RGS7BP: variants seen among roughly 807,000 people sequenced by gnomAD.
RGS7BP encodes the protein regulator of G protein signaling 7 binding protein, also known as regulator of G protein signaling 7-binding protein.
A neutral mutation model predicts 31.3 loss-of-function variants in RGS7BP; 9 were observed. That is an observed-to-expected ratio of 0.29 (90% CI 0.17 to 0.50). The LOEUF is 0.50. Ranked by LOEUF, RGS7BP falls within the 20% of genes least tolerant of loss-of-function variation. RGS7BP has a pLI of 0.98. For missense variants in RGS7BP, 274 were observed against 322.0 expected (o/e 0.85, Z 1.14); for synonymous variants, 115 against 120.1 (o/e 0.96, Z 0.28).
chr5:64,509,546 T>A (rs192274691), intron 2 of RGS7BP, among the ~76,000 whole-genome samples: 1 of 152,224 alleles, frequency 6.6e-6, no homozygotes, highest in Admixed American at 6.5e-5. Context: ...TTTGGAGGAT[T>A]TCAGGTGGAT....
intron 2 of RGS7BP, among the ~76,000 whole-genome samples, chr5:64,553,556 C>T (rs140514571): frequency 4.7e-4 from 72 of 151,804 alleles, no homozygotes; most frequent in African/African-American, 1.6e-3. Flanking sequence ...TGTCAGCCAA[C>T]ATTTTGATAG....
Position 64,562,624 on chromosome 5 carries a change from C to A in RGS7BP, c.333-13150C>A, listed in dbSNP as rs1742080797. 2.0e-5 allele frequency among the ~76,000 whole-genome samples: 3 copies of A among 152,168 alleles called. No individual in the cohort carries two copies. The South Asian group carries it at 6.2e-4, about 31-fold the overall frequency. On this transcript the variant is annotated intron_variant, in intron 2 of 5. Transcript: ENST00000334025. ...GAACTCCCACAGTCAAGTGGACTCTCCTCCCCCAGCACTGTTGTTGCTTTC... is the reference window on the plus strand; with the variant it reads ...GAACTCCCACAGTCAAGTGGACTCTACTCCCCCAGCACTGTTGTTGCTTTC...
At chr5:64,511,473 T>C (rs895214701) in intron 2 of RGS7BP, among the ~76,000 whole-genome samples, 1 of 152,244 alleles carries the variant, frequency 6.6e-6, no homozygotes, top group Non-Finnish European at 1.5e-5. Context: ...TCAAACTTTT[T>C]TAGCAGCAAA....
intron 2 of RGS7BP, among the ~76,000 whole-genome samples, chr5:64,545,177 G>GAA (rs530090802): frequency 2.3e-5 from 3 of 129,880 alleles, no homozygotes; most frequent in African/African-American, 2.8e-5. Flanking sequence ...CAATGTCTTT[G>GAA]AAAAAAAAAA....
At position 64,567,126 on chromosome 5, in the gene RGS7BP, C is replaced by T. The variant is rs555497646; in HGVS notation, c.333-8648C>T. ...CATGCAACGTATGAACAAGCATGCACAGCTACTGCGCATGTGCACCCAGAG... is the reference window on the plus strand; with the variant it reads ...CATGCAACGTATGAACAAGCATGCATAGCTACTGCGCATGTGCACCCAGAG... On this transcript the variant is annotated intron_variant, in intron 2 of 5. Coordinates refer to ENST00000334025, the MANE Select transcript of RGS7BP (RefSeq NM_001029875.3). 9.7e-4 allele frequency among the ~76,000 whole-genome samples: 147 copies of T among 151,842 alleles called. 5 individuals carry two copies. The South Asian group carries it at 0.028, about 29-fold the overall frequency.
At chr5:64,562,794 G>A (rs563048603) in intron 2 of RGS7BP, among the ~76,000 whole-genome samples, 3 of 152,232 alleles carry the variant, frequency 2.0e-5, no homozygotes, top group East Asian at 1.9e-4. Context: ...GAGCAGGACT[G>A]GGCATCTTCC....
Position 64,611,138 on chromosome 5 carries a change from C to G in RGS7BP, c.*1886C>G, listed in dbSNP as rs983819437. The G allele has an allele frequency of 6.6e-6, 1 of 151,930 alleles. No homozygotes were observed. Among genetic ancestry groups the G allele is most frequent in the Non-Finnish European group, 1.5e-5 (1 of 67,900 alleles). The allele number at this position is 151,930 out of a possible 1,614,324, so 9.4% of individuals were successfully genotyped here. On this transcript the variant is annotated 3_prime_UTR_variant, in exon 6 of 6. Coordinates refer to ENST00000334025, the MANE Select transcript of RGS7BP (RefSeq NM_001029875.3). ...GGAAAAGCAAGCAATCCAGACTTAT[C>G]TGGTCTGCAAACCTTGATTTCAGCT...
At chr5:64,511,966 C>G (rs1748850401) in intron 2 of RGS7BP, among the ~76,000 whole-genome samples, 1 of 152,160 alleles carries the variant, frequency 6.6e-6, no homozygotes, top group Non-Finnish European at 1.5e-5. Context: ...AAGACTGGGA[C>G]TTGGATCTCA....
intron 2 of RGS7BP, among the ~76,000 whole-genome samples, chr5:64,540,708 T>TG (rs916177882): frequency 5.3e-5 from 8 of 152,152 alleles, no homozygotes; most frequent in African/African-American, 1.9e-4. Context: ...AGATTATTAT[T>TG]GGGGGAACTC....
chr5:64,607,644 A>C (rs1743398426), intron 5 of RGS7BP, among the ~76,000 whole-genome samples: 1 of 152,172 alleles, frequency 6.6e-6, no homozygotes, highest in African/African-American at 2.4e-5. Context: ...AGCAGACTTC[A>C]GCAAAAATAG....
chr5:64,543,283 T>C (rs569148148), intron 2 of RGS7BP, among the ~76,000 whole-genome samples: 2 of 152,232 alleles, frequency 1.3e-5, no homozygotes, highest in Non-Finnish European at 2.9e-5. Flanking sequence ...AAGTAGAACA[T>C]TTCACTCTAA....
chr5:64,556,456 CACACAA>C (rs1258256939), intron 2 of RGS7BP, among the ~76,000 whole-genome samples: 4 of 142,760 alleles, frequency 2.8e-5, no homozygotes, highest in African/African-American at 1.0e-4. Context: ...CACACACACA[CACACAA>C]AATTGGCTTC....
intron 2 of RGS7BP, among the ~76,000 whole-genome samples, chr5:64,518,202 C>T (rs1023665382): frequency 6.6e-6 from 1 of 152,090 alleles, no homozygotes; most frequent in South Asian, 2.1e-4. Flanking sequence ...TAAACCTTTT[C>T]ATCATATATA....
In RGS7BP at chr5:64,609,192, C is replaced by T. The variant is rs145523601; in HGVS notation, c.714C>T (p.Tyr238=). 3.7e-4 allele frequency: 599 copies of T among 1,610,846 alleles called. 1 individual carries two copies. Among genetic ancestry groups the T allele is most frequent in the Non-Finnish European group, 4.8e-4 (564 of 1,177,372 alleles). ...DDSSLLNLTP[Y]PLVRRRKRRF... ...GCAGCCTTCTGAATCTAACTCCCTA[C>T]CCCCTGGTGAGAAGACGGAAGAGAA... is the stretch of plus-strand genomic sequence containing the variant. Residue 238 remains tyrosine, a synonymous_variant, in exon 6 of 6, where the codon TAC becomes TAT. Transcript: ENST00000334025.
At chr5:64,582,059 A>G (rs901757922) in intron 3 of RGS7BP, among the ~76,000 whole-genome samples, 2 of 152,204 alleles carry the variant, frequency 1.3e-5, no homozygotes, top group Non-Finnish European at 2.9e-5. Flanking sequence ...ATATTCTAAC[A>G]CTTTAAGTTA....
At chr5:64,522,038 G>A (rs923940939) in intron 2 of RGS7BP, among the ~76,000 whole-genome samples, 3 of 152,104 alleles carry the variant, frequency 2.0e-5, no homozygotes, top group African/African-American at 7.2e-5. Context: ...CCTTATCTGG[G>A]TCCTGCTCAA....
chr5:64,592,592 C>G (rs1742948469), intron 3 of RGS7BP, among the ~76,000 whole-genome samples: 1 of 152,088 alleles, frequency 6.6e-6, no homozygotes, highest in Non-Finnish European at 1.5e-5. Flanking sequence ...AGGAACATCA[C>G]ATTTCCTGGT....
chr5:64,568,408 G>T (rs1389940082), intron 2 of RGS7BP, among the ~76,000 whole-genome samples: 2 of 152,148 alleles, frequency 1.3e-5, no homozygotes, highest in Non-Finnish European at 2.9e-5. Context: ...AAGCCAAAAA[G>T]TGTAGGAAGG....
chr5:64,576,692 A>G (rs1195245606), intron 3 of RGS7BP, among the ~76,000 whole-genome samples: 1 of 152,206 alleles, frequency 6.6e-6, no homozygotes, highest in East Asian at 1.9e-4. Context: ...AAGGGCAATC[A>G]AGGCCCATTC....
Sources: allele counts gnomAD v4.1 joint callset (sites outside exome capture counted in the v4.1 genomes callset), GRCh38; gene constraint gnomAD v4.1.1; transcripts MANE v1.5; gene names NCBI Gene and HGNC (gene_info 2026-07-23, HGNC 2026-07-21).